Variants in SEMA5A observed in about 807,000 individuals in gnomAD.
SEMA5A encodes the protein semaphorin 5A, also known as semaphorin-5A.
In SEMA5A, 55 loss-of-function variants were observed where a neutral mutation model predicts 135.5. That is an observed-to-expected ratio of 0.41 (90% CI 0.33 to 0.51). SEMA5A has a LOEUF of 0.51. SEMA5A is among the 20% of genes least tolerant of loss of function. SEMA5A has a pLI of 0.37. For missense variants in SEMA5A, 1,290 were observed against 1,419.9 expected (o/e 0.91, Z 1.47); for synonymous variants, 580 against 546.5 (o/e 1.06, Z -0.85).
chr5:9,531,720 C>T (rs541584576), intron 1 of SEMA5A, among the ~76,000 whole-genome samples: 5 of 152,082 alleles, frequency 3.3e-5, no homozygotes, highest in East Asian at 1.9e-4. Context: ...AAACAGATAC[C>T]GAGAGAGGAA....
At chr5:9,365,416 G>A (rs138577640) in intron 3 of SEMA5A, among the ~76,000 whole-genome samples, 159 of 152,190 alleles carry the variant, frequency 1.0e-3, no homozygotes, top group African/African-American at 2.4e-3. Flanking sequence ...AATGGGGCTC[G>A]GCAGGAGACT....
At chr5:9,195,213 C>A (rs1745322671) in intron 10 of SEMA5A, among the ~76,000 whole-genome samples, 1 of 152,166 alleles carries the variant, frequency 6.6e-6, no homozygotes, top group Non-Finnish European at 1.5e-5. Context: ...CTCTGTCACC[C>A]AGACTGGAGT....
chr5:9,237,902 A>G lies in SEMA5A; in HGVS notation c.271-12T>C. ...TCCCATTCCACAGCCTGTAGAAAAC[A>G]CCAAAACAATAGCAGTCATGGTTTT... On this transcript the variant is annotated splice_polypyrimidine_tract_variant and intron_variant, in intron 5 of 22. Coordinates refer to ENST00000382496, the MANE Select transcript of SEMA5A (RefSeq NM_003966.3). The G allele has an allele frequency of 6.2e-7, 1 of 1,613,144 alleles. No individual in the cohort carries two copies. Among genetic ancestry groups the G allele is most frequent in the Non-Finnish European group, 8.5e-7 (1 of 1,179,270 alleles).
intron 2 of SEMA5A, among the ~76,000 whole-genome samples, chr5:9,428,360 T>C (rs956229811): frequency 1.3e-5 from 2 of 152,170 alleles, no homozygotes; most frequent in African/African-American, 4.8e-5. Flanking sequence ...ATGTTTAATA[T>C]GTACTCCTTG....
chr5:9,346,785 G>A (rs1358884553), intron 3 of SEMA5A, among the ~76,000 whole-genome samples: 1 of 152,166 alleles, frequency 6.6e-6, no homozygotes, highest in African/African-American at 2.4e-5. Flanking sequence ...CTGAGTAAAT[G>A]AGGCATCCCT....
chr5:9,469,286 C>T (rs752853203), intron 1 of SEMA5A, among the ~76,000 whole-genome samples: 30 of 152,146 alleles, frequency 2.0e-4, no homozygotes, highest in Non-Finnish European at 3.5e-4. Context: ...GGATTACAGG[C>T]ATGAGCCACC....
At chr5:9,126,431 G>T (rs1290935779) in intron 13 of SEMA5A, among the ~76,000 whole-genome samples, 1 of 152,104 alleles carries the variant, frequency 6.6e-6, no homozygotes, top group Non-Finnish European at 1.5e-5. Context: ...GAGACTGTTT[G>T]AGAGGCTCTC....
intron 12 of SEMA5A, among the ~76,000 whole-genome samples, chr5:9,143,907 G>A (rs1181957970): frequency 6.6e-6 from 1 of 152,168 alleles, no homozygotes; most frequent in Non-Finnish European, 1.5e-5. Flanking sequence ...AGCCAAGAAA[G>A]GCAGCCTCTT....
At chr5:9,355,114 T>G (rs912261874) in intron 3 of SEMA5A, among the ~76,000 whole-genome samples, 3 of 152,206 alleles carry the variant, frequency 2.0e-5, no homozygotes, top group Non-Finnish European at 4.4e-5. Context: ...ATAGTCTCTG[T>G]CATAACTACT....
At chr5:9,159,707 T>C (rs1743143372) in intron 11 of SEMA5A, among the ~76,000 whole-genome samples, 1 of 152,160 alleles carries the variant, frequency 6.6e-6, no homozygotes, top group African/African-American at 2.4e-5. Flanking sequence ...AATGGGTATA[T>C]ACTCAAAGGA....
At chr5:9,058,671 C>G (rs1219130126) in intron 18 of SEMA5A, among the ~76,000 whole-genome samples, 1 of 152,126 alleles carries the variant, frequency 6.6e-6, no homozygotes, top group Non-Finnish European at 1.5e-5. Context: ...TGCCAGAGAC[C>G]TAAATAGCAA....
intron 5 of SEMA5A, among the ~76,000 whole-genome samples, chr5:9,277,757 T>A (rs941891650): frequency 4.0e-5 from 6 of 151,530 alleles, no homozygotes; most frequent in African/African-American, 1.5e-4. Flanking sequence ...TAAGTGGGAG[T>A]TGAACAATGA....
rs73049418 is a variant in SEMA5A, at chr5:9,133,605, G to A, written c.1599+2899C>T. Among the ~76,000 whole-genome samples, 340 of 152,218 alleles carry A rather than the reference G, an allele frequency of 2.2e-3. 1 individual carries two copies. The highest frequency in any genetic ancestry group is 7.7e-3 in the African/African-American group (319 of 41,544). On this transcript the variant is annotated intron_variant, in intron 13 of 22. Coordinates refer to ENST00000382496, the MANE Select transcript of SEMA5A (RefSeq NM_003966.3). The stretch of plus-strand genomic sequence containing the variant: ...AGCTTTATTTTTGAAAGCAGAGATG[G>A]TAGAGGAGGCAGCCTTGACACCATG...
At chr5:9,481,934 C>A (rs1458651558) in intron 1 of SEMA5A, among the ~76,000 whole-genome samples, 1 of 152,200 alleles carries the variant, frequency 6.6e-6, no homozygotes, top group Non-Finnish European at 1.5e-5. Flanking sequence ...TCAGTCAGAT[C>A]CCCAATGAGA....
intron 5 of SEMA5A, among the ~76,000 whole-genome samples, chr5:9,284,598 C>T (rs983376672): frequency 5.9e-5 from 9 of 152,008 alleles, no homozygotes; most frequent in African/African-American, 2.2e-4. Flanking sequence ...TTAACAATCA[C>T]AAGTGATGGT....
chr5:9,351,738 C>G lies in SEMA5A; in HGVS notation c.125-13926G>C, dbSNP rs565773226. On this transcript the variant is annotated intron_variant, in intron 3 of 22. Coordinates refer to ENST00000382496, the MANE Select transcript of SEMA5A (RefSeq NM_003966.3). ...GTCCCCAGTTCATTGTGAAATACACCCACACAGATGAAGACATATTCTTCG... is the reference window on the plus strand; with the variant it reads ...GTCCCCAGTTCATTGTGAAATACACGCACACAGATGAAGACATATTCTTCG... 8.5e-5 allele frequency among the ~76,000 whole-genome samples: 13 copies of G among 152,220 alleles called. No homozygotes were observed. The South Asian group carries it at 2.7e-3, about 32-fold the overall frequency.
chr5:9,090,038 T>C (rs1433041015), intron 16 of SEMA5A, among the ~76,000 whole-genome samples: 1 of 152,184 alleles, frequency 6.6e-6, no homozygotes, highest in Non-Finnish European at 1.5e-5. Context: ...TATACATGTG[T>C]AATTTATATT....
rs762414475 is a variant in SEMA5A, at chr5:9,197,159, G to A, written c.1068+9C>T. 3.4e-5 allele frequency: 55 copies of A among 1,614,014 alleles called. No individual in the cohort carries two copies. The highest frequency in any genetic ancestry group is 2.0e-4 in the East Asian group (9 of 44,882). On this transcript the variant is annotated intron_variant, in intron 10 of 22. Coordinates refer to ENST00000382496, the MANE Select transcript of SEMA5A (RefSeq NM_003966.3). ...TGCCAACAGTGCCCCTTTGCCCCCC[G>A]AAAATTACCTGGAAGTGGGGGTTTG...
intron 3 of SEMA5A, among the ~76,000 whole-genome samples, chr5:9,353,322 G>A (rs1459156203): frequency 1.6e-4 from 4 of 25,302 alleles, no homozygotes; most frequent in African/African-American, 1.7e-4. Context: ...GGGAAAGGAA[G>A]GAAAGGAAAG....
Sources: allele counts gnomAD v4.1 joint callset (sites outside exome capture counted in the v4.1 genomes callset), GRCh38; gene constraint gnomAD v4.1.1; transcripts MANE v1.5; gene names NCBI Gene and HGNC (gene_info 2026-07-23, HGNC 2026-07-21).